The following H2BC18 variants were observed in gnomAD, a reference collection of about 807,000 sequenced individuals.
H2BC18 encodes the protein histone H2B type 2-F.
H2BC18 carries 8 observed loss-of-function variants against 6.3 expected under a neutral mutation model. The observed-to-expected ratio is 1.28, with a 90% confidence interval of 0.75 to 2.31. The LOEUF (loss-of-function observed/expected upper bound fraction) is 2.31. Ranked by LOEUF, H2BC18 falls within the 30% of genes most tolerant of loss-of-function variation. The pLI, the probability that H2BC18 is intolerant of heterozygous loss-of-function variation, is 0.00. For missense variants in H2BC18, 106 were observed against 174.5 expected (o/e 0.61, Z 2.21); for synonymous variants, 104 against 78.1 (o/e 1.33, Z -1.75).
Position 149,790,332 on chromosome 1 carries a change from G to T in H2BC18, c.378-7072C>A. 1 of 1,587,686 alleles carries T rather than the reference G, an allele frequency of 6.3e-7. No individual in the cohort carries two copies. Among genetic ancestry groups the T allele is most frequent in the Non-Finnish European group, 8.6e-7 (1 of 1,167,230 alleles). On this transcript the variant is annotated intron_variant, in intron 1 of 1. Coordinates refer to the H2BC18 transcript ENST00000545683. Reference sequence around the variant, plus strand: ...GCGCAGCCCTGAGTTGGAGCTTCAAGTGCTTGGTGAGTGAGAATGACGGGA... The same window carrying T: ...GCGCAGCCCTGAGTTGGAGCTTCAATTGCTTGGTGAGTGAGAATGACGGGA...
chr1:149,810,875 T>C (rs2091965131), downstream of H2BC18: 1 of 152,148 alleles, frequency 6.6e-6, no homozygotes, highest in Non-Finnish European at 1.5e-5. Context: ...CCACCTCCAG[T>C]CTAGCTGAAT....
chr1:149,792,644 T>A (rs6658340), intron 1 of H2BC18: 2 of 1,272,380 alleles, frequency 1.6e-6, no homozygotes, highest in Admixed American at 4.8e-5. Context: ...TATTGCAGCC[T>A]CCGCCTGTAT....
chr1:149,800,999 G>C (rs2091863205), intron 1 of H2BC18, among the ~76,000 whole-genome samples: 1 of 152,148 alleles, frequency 6.6e-6, no homozygotes, highest in Non-Finnish European at 1.5e-5. Flanking sequence ...GGTGGGAGGA[G>C]AGCTTGAGCC....
At chr1:149,788,320 G>T (rs1373131694) in intron 1 of H2BC18, 9 of 1,611,692 alleles carry the variant, frequency 5.6e-6, no homozygotes, top group South Asian at 1.1e-5. Flanking sequence ...GGGCCTCCTT[G>T]TACCTCCTCC....
intron 1 of H2BC18, among the ~76,000 whole-genome samples, chr1:149,797,732 G>T (rs192571459): frequency 6.6e-6 from 1 of 152,232 alleles, no homozygotes; most frequent in East Asian, 1.9e-4. Flanking sequence ...CTAGCAGTTC[G>T]AACTATAGGC....
intron 1 of H2BC18, among the ~76,000 whole-genome samples, chr1:149,802,066 A>G (rs781899378): frequency 3.3e-5 from 5 of 152,142 alleles, no homozygotes; most frequent in Admixed American, 6.5e-5. Flanking sequence ...CTCTCCTGCT[A>G]ATCTGAAAAC....
At chr1:149,787,134 A>G (rs1480892494) in intron 1 of H2BC18, 4 of 152,268 alleles carry the variant, frequency 2.6e-5, no homozygotes, top group Non-Finnish European at 5.9e-5. Flanking sequence ...GTCTTTCAGC[A>G]TCTGCTGGCT....
intron 1 of H2BC18, among the ~76,000 whole-genome samples, chr1:149,797,825 A>T (rs2091817467): frequency 6.6e-6 from 1 of 152,184 alleles, no homozygotes; most frequent in African/African-American, 2.4e-5. Context: ...CTCCAATTCC[A>T]GAGGCAATAA....
In H2BC18 at chr1:149,784,250, C is replaced by A. The variant is rs782689890; in HGVS notation, c.378-990G>T. The A allele has an allele frequency of 2.5e-6, 4 of 1,610,890 alleles. No individual in the cohort carries two copies. In the East Asian group the frequency reaches 8.9e-5, roughly 36 times the overall value. ...GAAGTGACCCCATACAGCTGGAAAT[C>A]CACAGAGGTAATTATGACTTGGACC... is the stretch of plus-strand genomic sequence containing the variant. On this transcript the variant is annotated intron_variant, in intron 1 of 1. Transcript: ENST00000545683.
chr1:149,789,393 A>AAATAATAATAATAATAAT (rs781855250), intron 1 of H2BC18, among the ~76,000 whole-genome samples: 5,935 of 148,048 alleles, frequency 0.04, 133 homozygotes, highest in Non-Finnish European at 0.05. Context: ...ACTACGTCTC[A>AAATAATAATAATAATAAT]AATAATAATA....
downstream of H2BC18, chr1:149,810,432 G>A (rs1320160853): frequency 6.6e-6 from 1 of 152,008 alleles, no homozygotes; most frequent in Non-Finnish European, 1.5e-5. Flanking sequence ...TTTTAATTGG[G>A]TGTAAATTTG....
chr1:149,785,718 G>A (rs1167166226), intron 1 of H2BC18: 2 of 151,918 alleles, frequency 1.3e-5, no homozygotes, highest in African/African-American at 4.8e-5. Flanking sequence ...TGTACAACAA[G>A]CCATAAATGT....
intron 1 of H2BC18, chr1:149,805,261 A>T (rs2091907368): frequency 6.6e-6 from 1 of 152,140 alleles, no homozygotes; most frequent in Non-Finnish European, 1.5e-5. Flanking sequence ...GGGACTTACC[A>T]GAGCTAAGTT....
intron 1 of H2BC18, among the ~76,000 whole-genome samples, chr1:149,803,371 C>T (rs587617409): frequency 1.3e-5 from 2 of 152,300 alleles, no homozygotes; most frequent in South Asian, 4.1e-4. Context: ...GCTTCACCTA[C>T]CCTCTGGTAA....
chr1:149,797,030 A>C (rs1553752856), intron 1 of H2BC18, among the ~76,000 whole-genome samples: 1 of 152,182 alleles, frequency 6.6e-6, no homozygotes, highest in Non-Finnish European at 1.5e-5. Flanking sequence ...CTCCTGCCTC[A>C]GCCTCCCAAG....
chr1:149,787,508 A>G (rs1462790635), intron 1 of H2BC18: 2 of 152,344 alleles, frequency 1.3e-5, no homozygotes, highest in African/African-American at 4.8e-5. Context: ...TTATATCTGG[A>G]TGTTTGCCCT....
chr1:149,794,139 G>C, intron 1 of H2BC18: 1 of 383,128 alleles, frequency 2.6e-6, no homozygotes, highest in South Asian at 1.9e-5. Context: ...GTCTAGGTGA[G>C]AGGCAGCGGC....
chr1:149,788,287 A>G, intron 1 of H2BC18: 1 of 1,609,772 alleles, frequency 6.2e-7, no homozygotes, highest in Non-Finnish European at 8.5e-7. Flanking sequence ...GAGAAAAAAT[A>G]GGAAGCCCAC....
At chr1:149,793,388 C>A (rs1281907361) in intron 1 of H2BC18, among the ~76,000 whole-genome samples, 1 of 151,990 alleles carries the variant, frequency 6.6e-6, no homozygotes, top group Admixed American at 6.5e-5. Flanking sequence ...GGCAAGAAGG[C>A]TCCAGGCTCC....
Sources: gnomAD v4.1 joint callset for allele counts (sites outside exome capture counted in the v4.1 genomes callset) on GRCh38, gnomAD v4.1.1 for gene constraint, MANE v1.5 for transcripts, NCBI Gene and HGNC (gene_info 2026-07-23, HGNC 2026-07-21) for gene names.